Variants in TMEM255A observed in about 807,000 individuals in gnomAD.
TMEM255A encodes family with sequence similarity 70, member A.
TMEM255A carries 14 observed loss-of-function variants against 23.5 expected under a neutral mutation model. The ratio of observed to expected loss-of-function variants is 0.60; its 90% CI spans 0.39 to 0.93. TMEM255A has a LOEUF of 0.93. Among genes scored for constraint, TMEM255A ranks in the 40% least tolerant of loss-of-function variants. The pLI is 0.00. For missense variants in TMEM255A, 233 were observed against 261.7 expected (o/e 0.89, Z 0.76); for synonymous variants, 104 against 100.3 (o/e 1.04, Z -0.22).
At chrX:120,285,487 G>C in intron 5 of TMEM255A, 1 of 879,798 alleles carries the variant, frequency 1.1e-6, no homozygotes, top group Non-Finnish European at 1.6e-6. Flanking sequence ...AGGACAGATG[G>C]AAGGACAGAC....
chrX:120,269,243 C>G (rs1282307604), intron 7 of TMEM255A, among the ~76,000 whole-genome samples: 3 of 111,378 alleles, frequency 2.7e-5, no homozygotes, highest in East Asian at 2.8e-4. Context: ...AATGGAGGCC[C>G]TGCTCTCATC....
chrX:120,279,976 CTTCTT>C (rs2057825968), intron 6 of TMEM255A, among the ~76,000 whole-genome samples: 1 of 93,724 alleles, frequency 1.1e-5, no homozygotes, highest in Admixed American at 1.2e-4. Flanking sequence ...TTTTTCCTTC[CTTCTT>C]TTCTTTCCTT....
intron 7 of TMEM255A, among the ~76,000 whole-genome samples, chrX:120,269,366 G>A (rs1045055631): frequency 6.3e-5 from 7 of 111,729 alleles, no homozygotes; most frequent in African/African-American, 2.3e-4. Context: ...CATCTTCTAT[G>A]TCATTGATAC....
At chrX:120,300,451 G>T (rs1322849878) in intron 2 of TMEM255A, among the ~76,000 whole-genome samples, 1 of 109,963 alleles carries the variant, frequency 9.1e-6, no homozygotes, top group Admixed American at 9.7e-5. Context: ...GAAGTGGCGC[G>T]ATCTCAGCTC....
chrX:120,253,410 A>G, the TMEM255A span: 1 of 1,194,137 alleles, frequency 8.4e-7, no homozygotes, highest in Non-Finnish European at 1.1e-6. Flanking sequence ...TCTTTCTCTT[A>G]AAGGCATGGA....
chrX:120,301,136 G>A (rs1356694319), intron 2 of TMEM255A, among the ~76,000 whole-genome samples: 3 of 111,549 alleles, frequency 2.7e-5, no homozygotes, highest in Non-Finnish European at 5.6e-5. Flanking sequence ...AGCTCAGGTA[G>A]AGTAGCTAAC....
chrX:120,306,395 C>T (rs1603404497), intron 1 of TMEM255A, among the ~76,000 whole-genome samples: 1 of 111,752 alleles, frequency 8.9e-6, no homozygotes, highest in Non-Finnish European at 1.9e-5. Context: ...GTCTCTAAAC[C>T]AGGGTGCCTA....
chrX:120,279,331 T>C (rs1204487666), intron 6 of TMEM255A, among the ~76,000 whole-genome samples: 1 of 111,830 alleles, frequency 8.9e-6, no homozygotes, highest in Admixed American at 9.5e-5. Context: ...GATTTCAGTA[T>C]TTTCAGGAGC....
chrX:120,268,409 A>T lies in TMEM255A; in HGVS notation c.676-22T>A, dbSNP rs41300936. The T allele has an allele frequency of 4.0e-5, 47 of 1,162,920 alleles. 1 individual carries two copies. Among genetic ancestry groups the T allele is most frequent in the Non-Finnish European group, 4.9e-5 (42 of 863,267 alleles). On this transcript the variant is annotated intron_variant, in intron 7 of 8. Transcript: ENST00000371369. ...GGTTCTGTAGAAAAACACAAATTAG[A>T]AACAACATAAACAGTCATCACTAGG...
At chrX:120,288,176 C>T (rs1342305962) in intron 4 of TMEM255A, among the ~76,000 whole-genome samples, 3 of 112,209 alleles carry the variant, frequency 2.7e-5, no homozygotes, top group African/African-American at 3.2e-5. Flanking sequence ...TCACCATTTA[C>T]GATCATCTCA....
At chrX:120,285,096 A>G (rs377245867) in intron 6 of TMEM255A, 31 bp downstream of exon 6, 3 of 1,143,068 alleles carry the variant, frequency 2.6e-6, no homozygotes, top group Non-Finnish European at 3.6e-6. Flanking sequence ...TGGTCAGACC[A>G]TTATTCCTGT....
At chrX:120,306,957 C>T (rs930071171) in intron 1 of TMEM255A, among the ~76,000 whole-genome samples, 1 of 112,385 alleles carries the variant, frequency 8.9e-6, no homozygotes, top group Non-Finnish European at 1.9e-5. Context: ...GCCTTGACTC[C>T]AGATAGGATT....
the TMEM255A span, chrX:120,252,558 C>A: frequency 9.0e-6 from 1 of 111,712 alleles, no homozygotes; most frequent in Non-Finnish European, 1.9e-5. Context: ...ATTCTCATAC[C>A]AATGCATATG....
chrX:120,297,050 TAA>T (rs1556024832), intron 2 of TMEM255A, among the ~76,000 whole-genome samples: 5 of 6,150 alleles, frequency 8.1e-4, no homozygotes, highest in Admixed American at 6.1e-3. Flanking sequence ...ATATATAATA[TAA>T]TATATATAAT....
the TMEM255A span, among the ~76,000 whole-genome samples, chrX:120,251,620 C>T: frequency 8.9e-6 from 1 of 111,791 alleles, no homozygotes; most frequent in East Asian, 2.8e-4. Flanking sequence ...CGCAGGGAGC[C>T]GCGTGTCGGT....
rs782182537 is a variant in TMEM255A, at chrX:120,263,019, G to C, written c.820-1991C>G. ...GTGTTTGAGAAGTATGGGGGGAGGG[G>C]GTCATGATTCTCACTTCCCTTTGAG... On this transcript the variant is annotated intron_variant, in intron 8 of 8. Coordinates refer to ENST00000371369, the MANE Select transcript of TMEM255A (RefSeq NM_001104544.3). Among the ~76,000 whole-genome samples, 64 of 110,975 alleles carry C rather than the reference G, an allele frequency of 5.8e-4. 1 individual carries two copies. Among genetic ancestry groups the C allele is most frequent in the Admixed American group, 1.7e-3 (18 of 10,501 alleles).
intron 1 of TMEM255A, among the ~76,000 whole-genome samples, chrX:120,308,322 C>A (rs181378903): frequency 1.8e-5 from 2 of 111,966 alleles, no homozygotes; most frequent in Admixed American, 9.4e-5. Context: ...TTACCTTGCA[C>A]ACGTTCTTGA....
chrX:120,266,082 A>G (rs898434918), intron 8 of TMEM255A, among the ~76,000 whole-genome samples: 4 of 105,176 alleles, frequency 3.8e-5, no homozygotes, highest in Non-Finnish European at 7.8e-5. Flanking sequence ...TGACCCCAGG[A>G]GGTGGAGGTT....
chrX:120,283,460 A>C (rs1404728497), intron 6 of TMEM255A, among the ~76,000 whole-genome samples: 2 of 110,988 alleles, frequency 1.8e-5, no homozygotes, highest in Non-Finnish European at 3.8e-5. Flanking sequence ...AAATACCGAC[A>C]GTAGGGAATG....
Sources: gnomAD v4.1 joint callset for allele counts (sites outside exome capture counted in the v4.1 genomes callset) on GRCh38, gnomAD v4.1.1 for gene constraint, MANE v1.5 for transcripts, NCBI Gene and HGNC (gene_info 2026-07-23, HGNC 2026-07-21) for gene names.